The following VTCN1 variants were observed in gnomAD, a reference collection of about 807,000 sequenced individuals.
VTCN1 encodes V-set domain containing T cell activation inhibitor 1, also known as V-set domain-containing T-cell activation inhibitor 1.
VTCN1 carries 26 observed loss-of-function variants against 26.5 expected under a neutral mutation model. The ratio of observed to expected loss-of-function variants is 0.98; its 90% CI spans 0.72 to 1.36. VTCN1 has a LOEUF of 1.36. Among genes scored for constraint, VTCN1 ranks in the 40% most tolerant of loss-of-function variants. The pLI is 0.00. For synonymous variants in VTCN1, 116 were observed against 130.7 expected, an observed-to-expected ratio of 0.89 and a Z score of 0.77; for missense variants, 298 against 337.7, an observed-to-expected ratio of 0.88 and a Z score of 0.92.
intron 1 of VTCN1, among the ~76,000 whole-genome samples, chr1:117,204,453 A>G (rs1648942788): frequency 6.6e-6 from 1 of 152,136 alleles, no homozygotes; most frequent in Non-Finnish European, 1.5e-5. Flanking sequence ...GGCAAAAGTA[A>G]GTATGTATGA....
intron 1 of VTCN1, among the ~76,000 whole-genome samples, chr1:117,195,425 A>G (rs1032477528): frequency 1.3e-5 from 2 of 152,094 alleles, no homozygotes; most frequent in African/African-American, 4.8e-5. Context: ...TCGTTTCACA[A>G]TGTATATGTA....
intron 2 of VTCN1, among the ~76,000 whole-genome samples, chr1:117,163,907 T>C (rs1446288216): frequency 6.6e-6 from 1 of 152,204 alleles, no homozygotes; most frequent in Non-Finnish European, 1.5e-5. Flanking sequence ...ATTTTCTAAA[T>C]AAACTGTGCA....
intron 1 of VTCN1, among the ~76,000 whole-genome samples, chr1:117,200,373 T>G (rs1421023804): frequency 6.6e-6 from 1 of 152,154 alleles, no homozygotes; most frequent in Non-Finnish European, 1.5e-5. Context: ...CCTTCCAGCC[T>G]GGAAAACAGA....
chr1:117,151,440 C>T (rs1404027379), intron 4 of VTCN1, among the ~76,000 whole-genome samples: 2 of 152,176 alleles, frequency 1.3e-5, no homozygotes, highest in Non-Finnish European at 2.9e-5. Context: ...AAACACCAAA[C>T]CCTGCACATC....
chr1:117,192,417 A>T (rs778699112), intron 1 of VTCN1, among the ~76,000 whole-genome samples: 11 of 152,188 alleles, frequency 7.2e-5, no homozygotes, highest in Admixed American at 5.9e-4. Context: ...GTTGAAATTA[A>T]AGGATGCTAA....
Position 117,147,632 on chromosome 1 carries a change from G to C in VTCN1, c.*26C>G, listed in dbSNP as rs780253875. ...TCTCACCTGTTGTAACAATGACTTT[G>C]CATGCTTTTTTGTGGCCGAGGCACA... is the stretch of plus-strand genomic sequence containing the variant. On this transcript the variant is annotated 3_prime_UTR_variant, in exon 5 of 6. Transcript: ENST00000369458. The surrounding 1 kb of genome is among the most constrained non-coding windows in gnomAD (Gnocchi z 4.6). 1.9e-6 allele frequency: 3 copies of C among 1,609,790 alleles called. No individual in the cohort carries two copies. The highest frequency in any genetic ancestry group is 1.1e-5 in the South Asian group (1 of 90,254).
chr1:117,176,503 T>C lies in VTCN1; in HGVS notation c.33-6332A>G, dbSNP rs540969190. Among the ~76,000 whole-genome samples the C allele has an allele frequency of 2.6e-5, 4 of 152,370 alleles. No homozygotes were observed. In the South Asian group the frequency reaches 8.3e-4, roughly 32 times the overall value. ...TGGAAAACATAAAATGCTTTTTGTTTTATTCAAACATGAATGGTTTCTATG... is the reference window on the plus strand; with the variant it reads ...TGGAAAACATAAAATGCTTTTTGTTCTATTCAAACATGAATGGTTTCTATG... On this transcript the variant is annotated intron_variant, in intron 1 of 5. Coordinates refer to ENST00000369458, the MANE Select transcript of VTCN1 (RefSeq NM_024626.4).
intron 1 of VTCN1, among the ~76,000 whole-genome samples, chr1:117,174,632 T>G (rs1353228387): frequency 6.6e-6 from 1 of 152,160 alleles, no homozygotes; most frequent in Non-Finnish European, 1.5e-5. Flanking sequence ...CTGGGCGTGG[T>G]GGCAAGTGCC....
intron 1 of VTCN1, among the ~76,000 whole-genome samples, chr1:117,196,147 G>T (rs1220975825): frequency 6.6e-6 from 1 of 152,060 alleles, no homozygotes; most frequent in African/African-American, 2.4e-5. Context: ...GTGAGACTGT[G>T]TCTTGATGAT....
intron 1 of VTCN1, among the ~76,000 whole-genome samples, chr1:117,200,820 A>C (rs1393758138): frequency 6.6e-6 from 1 of 152,158 alleles, no homozygotes; most frequent in African/African-American, 2.4e-5. Flanking sequence ...CCCAGGCTGG[A>C]GTGCAGTGGT....
intron 2 of VTCN1, among the ~76,000 whole-genome samples, chr1:117,157,418 G>A (rs1003593754): frequency 1.3e-5 from 2 of 152,066 alleles, no homozygotes; most frequent in Non-Finnish European, 2.9e-5. Context: ...GAATCATGGA[G>A]GGAGGCAAAA....
chr1:117,150,075 C>A (rs916678062), intron 4 of VTCN1, among the ~76,000 whole-genome samples: 9 of 152,202 alleles, frequency 5.9e-5, no homozygotes. Context: ...TTACTGGGAA[C>A]TGGACTGAGA....
In VTCN1 at chr1:117,147,935, G is replaced by A. The variant is rs534411146; in HGVS notation, c.725-153C>T. Among the ~76,000 whole-genome samples, 1 of 152,286 alleles carries A rather than the reference G, an allele frequency of 6.6e-6. No individual in the cohort carries two copies. Among genetic ancestry groups the A allele is most frequent in the Non-Finnish European group, 1.5e-5 (1 of 68,030 alleles). ...CCCTTTGCCCACCTCTCCGTAACTG[G>A]CTTAAAAGTAGAGCTTTCTCTTTCT... On this transcript the variant is annotated intron_variant, in intron 4 of 5. Transcript: ENST00000369458. This position sits in a 1 kb window ranked among gnomAD's most constrained non-coding sequence, Gnocchi z 4.6.
chr1:117,144,245 G>C lies in VTCN1; in HGVS notation c.*1026C>G, dbSNP rs1380055509. The C allele has an allele frequency of 1.3e-5, 2 of 152,192 alleles. No individual in the cohort carries two copies. Among genetic ancestry groups the C allele is most frequent in the Non-Finnish European group, 2.9e-5 (2 of 68,070 alleles). The allele number at this position is 152,192 out of a possible 1,614,324, so 9.4% of individuals were successfully genotyped here. A position where few individuals can be genotyped will look rare whatever the true frequency, so the allele number is the denominator to read the frequency against. On this transcript the variant is annotated 3_prime_UTR_variant, in exon 6 of 6. Transcript: ENST00000369458. ...CACTTCGGATTGGGTAGTTGTAATG[G>C]GGAGACGTCCTGTACATGGTAGGAG...
chr1:117,151,308 G>C (rs759117860), intron 4 of VTCN1, among the ~76,000 whole-genome samples: 5 of 151,770 alleles, frequency 3.3e-5, no homozygotes, highest in Non-Finnish European at 7.4e-5. Context: ...GTTCCTCCCA[G>C]TGGGTTTGTG....
At chr1:117,181,956 C>G (rs967737949) in intron 1 of VTCN1, among the ~76,000 whole-genome samples, 2 of 152,108 alleles carry the variant, frequency 1.3e-5, no homozygotes, top group African/African-American at 4.8e-5. Context: ...CTAAAGCCAC[C>G]GTGACTGTTT....
intron 4 of VTCN1, 21 bp downstream of exon 4, chr1:117,153,070 C>T: frequency 6.3e-7 from 1 of 1,594,650 alleles, no homozygotes; most frequent in Non-Finnish European, 8.6e-7. Context: ...TAAATCCATA[C>T]AAAAGCATGC....
At chr1:117,171,161 TG>T (rs1652897502) in intron 1 of VTCN1, among the ~76,000 whole-genome samples, 2 of 152,260 alleles carry the variant, frequency 1.3e-5, no homozygotes, top group Non-Finnish European at 2.9e-5. Flanking sequence ...GCTTCATCCA[TG>T]TTCCTGCAAA....
intron 1 of VTCN1, among the ~76,000 whole-genome samples, chr1:117,209,723 C>G (rs558336142): frequency 6.6e-6 from 1 of 152,234 alleles, no homozygotes; most frequent in Non-Finnish European, 1.5e-5. Flanking sequence ...GGCAGAAGTG[C>G]CGCTGCAGCC....
Sources: allele counts gnomAD v4.1 joint callset (sites outside exome capture counted in the v4.1 genomes callset), GRCh38; gene constraint gnomAD v4.1.1; non-coding constraint Gnocchi (gnomAD v3.1); transcripts MANE v1.5; gene names NCBI Gene and HGNC (gene_info 2026-07-23, HGNC 2026-07-21).